Variants in NMNAT3 observed in about 807,000 individuals in gnomAD.
NMNAT3 encodes the protein nicotinamide nucleotide adenylyltransferase 3, also known as nicotinamide/nicotinic acid mononucleotide adenylyltransferase 3.
In NMNAT3, 21 loss-of-function variants were observed where a neutral mutation model predicts 24.8. The ratio of observed to expected loss-of-function variants is 0.85; its 90% CI spans 0.60 to 1.22. The LOEUF is 1.22. Among genes scored for constraint, NMNAT3 ranks in the 50% most tolerant of loss-of-function variants. The pLI, the probability that NMNAT3 is intolerant of heterozygous loss-of-function variation, is 0.00. For synonymous variants in NMNAT3, 136 were observed against 155.2 expected (o/e 0.88, Z 0.92); for missense variants, 387 against 436.6 (o/e 0.89, Z 1.01).
Position 139,560,705 on chromosome 3 carries a change from T to G in NMNAT3, c.*305A>C. 1 of 331,040 alleles carries G rather than the reference T, an allele frequency of 3.0e-6. No homozygotes were observed. The highest frequency in any genetic ancestry group is 5.9e-5 in the East Asian group (1 of 17,012). The allele number at this position is 331,040 out of a possible 1,614,324, so 20.5% of individuals were successfully genotyped here. A position where few individuals can be genotyped will look rare whatever the true frequency, so the allele number is the denominator to read the frequency against. On this transcript the variant is annotated 3_prime_UTR_variant, in exon 7 of 7. Transcript: ENST00000643695. ...CTGCATTCAGCGTGCATGCCATAAT[T>G]ACCATCCACACAAAATAAGTAGACC...
In NMNAT3 at chr3:139,561,066, T is replaced by C; in HGVS notation, c.985A>G (p.Lys329Glu). 1 of 1,613,982 alleles carries C rather than the reference T, an allele frequency of 6.2e-7. No individual in the cohort carries two copies. The highest frequency in any genetic ancestry group is 1.7e-5 in the Admixed American group (1 of 60,012). Residue 329 changes from lysine (K) to glutamate (E), a missense_variant, in exon 7 of 7, where the codon AAG (lysine) becomes GAG (glutamate). By Grantham distance (56) the Lys-to-Glu change is moderately conservative. Transcript: ENST00000643695. ...CTTTTGCCTTTCCAGGTACTGCCCT[T>C]GGTGTAGAGGCCATGGTCCTTGATG... is the stretch of plus-strand genomic sequence containing the variant.
chr3:139,655,184 T>G lies in NMNAT3; in HGVS notation c.-140-17122A>C, dbSNP rs534179889. On this transcript the variant is annotated intron_variant, in intron 1 of 6. Coordinates refer to ENST00000643695, the MANE Select transcript of NMNAT3 (RefSeq NM_001320510.2). ...TGAGGCAGTAGCAGGGTCAACAGAG[T>G]GGCTAAGGTGCATGGGAGGCCTGCG... 2.0e-4 allele frequency among the ~76,000 whole-genome samples: 30 copies of G among 152,158 alleles called. No individual in the cohort carries two copies. In the East Asian group the frequency reaches 5.6e-3, roughly 28 times the overall value.
At chr3:139,673,923 C>G (rs1050624146) in intron 1 of NMNAT3, among the ~76,000 whole-genome samples, 1 of 152,040 alleles carries the variant, frequency 6.6e-6, no homozygotes, top group Admixed American at 6.6e-5. Flanking sequence ...GGCATGCCGA[C>G]AGGCACCCGC....
intron 3 of NMNAT3, among the ~76,000 whole-genome samples, chr3:139,616,187 C>T (rs763661946): frequency 1.4e-4 from 21 of 152,198 alleles, no homozygotes; most frequent in Non-Finnish European, 2.5e-4. Context: ...CAAAGCCATT[C>T]TCCCAGACAT....
At chr3:139,613,984 T>C (rs2055359920) in intron 3 of NMNAT3, among the ~76,000 whole-genome samples, 1 of 151,252 alleles carries the variant, frequency 6.6e-6, no homozygotes, top group South Asian at 2.1e-4. Context: ...CCAGGGCCTG[T>C]TGTGGGGTGG....
At chr3:139,588,352 T>C (rs752808613) in intron 3 of NMNAT3, among the ~76,000 whole-genome samples, 46 of 152,304 alleles carry the variant, frequency 3.0e-4, no homozygotes, top group Non-Finnish European at 5.0e-4. Context: ...ATACCATCCC[T>C]ACAGACAGAA....
chr3:139,665,381 G>A (rs962001865), intron 1 of NMNAT3, among the ~76,000 whole-genome samples: 2 of 152,136 alleles, frequency 1.3e-5, no homozygotes, highest in South Asian at 2.1e-4. Context: ...TGGCACAGAC[G>A]TCTTCGGCAA....
At chr3:139,668,584 T>G (rs1167250446) in intron 1 of NMNAT3, among the ~76,000 whole-genome samples, 1 of 152,232 alleles carries the variant, frequency 6.6e-6, no homozygotes, top group Non-Finnish European at 1.5e-5. Context: ...GCAAACCAGC[T>G]GCCTCTTGAA....
At chr3:139,564,919 A>G (rs1425995941) in intron 6 of NMNAT3, among the ~76,000 whole-genome samples, 1 of 152,036 alleles carries the variant, frequency 6.6e-6, no homozygotes, top group Non-Finnish European at 1.5e-5. Context: ...CAACAACAAT[A>G]TTAATTCTGC....
intron 1 of NMNAT3, among the ~76,000 whole-genome samples, chr3:139,659,009 T>C (rs2057333279): frequency 6.6e-6 from 1 of 152,204 alleles, no homozygotes; most frequent in African/African-American, 2.4e-5. Flanking sequence ...GAACTTTAAA[T>C]ATAAATAGAA....
At chr3:139,661,988 G>C (rs1337242613) in intron 1 of NMNAT3, among the ~76,000 whole-genome samples, 1 of 152,002 alleles carries the variant, frequency 6.6e-6, no homozygotes, top group Non-Finnish European at 1.5e-5. Context: ...ACACAGTCAT[G>C]GTGACTCAGA....
rs889292148 is a variant in NMNAT3 at position 139,623,437 on chromosome 3, C to CT, written c.109+4178dup. 1.5e-4 allele frequency among the ~76,000 whole-genome samples: 23 copies of CT among 151,428 alleles called. 1 individual carries two copies. Among genetic ancestry groups the CT allele is most frequent in the South Asian group, 1.3e-3 (6 of 4,754 alleles). On this transcript the variant is annotated intron_variant, in intron 3 of 6. Coordinates refer to ENST00000643695, the MANE Select transcript of NMNAT3 (RefSeq NM_001320510.2). ...CTGCCTGAGGCTCTTTTACAGTTAA[C>CT]TTTTTTTTTAAATAAACAGAAGAAA...
chr3:139,625,245 C>G (rs2056000062), intron 3 of NMNAT3, among the ~76,000 whole-genome samples: 1 of 152,052 alleles, frequency 6.6e-6, no homozygotes, highest in Non-Finnish European at 1.5e-5. Context: ...AAGTATGCTT[C>G]TTATTTATAG....
At chr3:139,625,411 T>C (rs1448895300) in intron 3 of NMNAT3, among the ~76,000 whole-genome samples, 1 of 152,178 alleles carries the variant, frequency 6.6e-6, no homozygotes, top group Non-Finnish European at 1.5e-5. Context: ...GTTTCTTCTT[T>C]TTCTTCTTTT....
At chr3:139,610,347 A>C (rs1197798088) in intron 3 of NMNAT3, among the ~76,000 whole-genome samples, 1 of 152,206 alleles carries the variant, frequency 6.6e-6, no homozygotes, top group Non-Finnish European at 1.5e-5. Flanking sequence ...TATTAAAAAG[A>C]AGGAAAATGC....
intron 2 of NMNAT3, among the ~76,000 whole-genome samples, chr3:139,629,591 T>C (rs2056205182): frequency 6.6e-6 from 1 of 152,230 alleles, no homozygotes; most frequent in Non-Finnish European, 1.5e-5. Flanking sequence ...GTCTTAGCTG[T>C]AATCCTGCAG....
intron 3 of NMNAT3, among the ~76,000 whole-genome samples, chr3:139,587,424 G>A (rs954197570): frequency 7.9e-5 from 12 of 152,144 alleles, no homozygotes; most frequent in African/African-American, 1.9e-4. Context: ...CAATAGTGGA[G>A]CGAGAGTGGA....
chr3:139,671,425 C>T (rs2057752826), intron 1 of NMNAT3, among the ~76,000 whole-genome samples: 1 of 152,172 alleles, frequency 6.6e-6, no homozygotes, highest in South Asian at 2.1e-4. Flanking sequence ...GTGCAGAGAG[C>T]ATTTTTATAC....
intron 3 of NMNAT3, among the ~76,000 whole-genome samples, chr3:139,608,275 C>T (rs1182039566): frequency 6.6e-6 from 1 of 152,160 alleles, no homozygotes; most frequent in African/African-American, 2.4e-5. Flanking sequence ...GAAGGGGCGC[C>T]CTAGTTGCCA....
Sources: gnomAD v4.1 joint callset for allele counts (sites outside exome capture counted in the v4.1 genomes callset) on GRCh38, gnomAD v4.1.1 for gene constraint, MANE v1.5 for transcripts, NCBI Gene and HGNC (gene_info 2026-07-23, HGNC 2026-07-21) for gene names.